The following DAB1 variants were observed in gnomAD, a reference collection of about 807,000 sequenced individuals.
DAB1 encodes the protein disabled homolog 1.
A neutral mutation model predicts 64.6 loss-of-function variants in DAB1; 15 were observed. The ratio of observed to expected loss-of-function variants is 0.23; its 90% CI spans 0.16 to 0.36. DAB1 has a LOEUF of 0.36. DAB1 is among the 10% of genes least tolerant of loss of function. The pLI is 1.00. For missense variants in DAB1, 596 were observed against 706.7 expected, an observed-to-expected ratio of 0.84 and a Z score of 1.78; for synonymous variants, 235 against 251.9, an observed-to-expected ratio of 0.93 and a Z score of 0.64.
intron 2 of DAB1, among the ~76,000 whole-genome samples, chr1:57,202,750 T>C (rs1665208238): frequency 1.3e-5 from 2 of 152,202 alleles, no homozygotes; most frequent in Non-Finnish European, 2.9e-5. Flanking sequence ...TGGTACCAAT[T>C]ATCTTTTTTC....
At chr1:57,201,988 A>T (rs1665142955) in intron 2 of DAB1, among the ~76,000 whole-genome samples, 1 of 152,224 alleles carries the variant, frequency 6.6e-6, no homozygotes. Flanking sequence ...TCAAGTTTCC[A>T]TCATCAGAAG....
intron 3 of DAB1, among the ~76,000 whole-genome samples, chr1:58,455,631 G>A (rs1350023444): frequency 6.6e-6 from 1 of 152,252 alleles, no homozygotes; most frequent in Non-Finnish European, 1.5e-5. Context: ...ACAAAAGAAT[G>A]AATGTTATTC....
intron 5 of DAB1, among the ~76,000 whole-genome samples, chr1:57,959,381 G>C (rs1383765483): frequency 6.6e-6 from 1 of 152,170 alleles, no homozygotes; most frequent in Non-Finnish European, 1.5e-5. Context: ...GATAAGGGAA[G>C]TAGAGGGCTT....
intron 4 of DAB1, among the ~76,000 whole-genome samples, chr1:58,239,945 C>A (rs1660215165): frequency 1.3e-5 from 2 of 152,164 alleles, no homozygotes; most frequent in Non-Finnish European, 2.9e-5. Flanking sequence ...ATTTCCCCAT[C>A]ATTAAAACAA....
intron 4 of DAB1, among the ~76,000 whole-genome samples, chr1:57,084,371 C>T (rs999821014): frequency 2.6e-5 from 4 of 152,160 alleles, no homozygotes; most frequent in African/African-American, 9.7e-5. Context: ...CTGCACAGCC[C>T]TCAGAAAGAA....
chr1:57,961,806 T>TA (rs769293065), intron 5 of DAB1, among the ~76,000 whole-genome samples: 1 of 151,416 alleles, frequency 6.6e-6, no homozygotes, highest in East Asian at 1.9e-4. Flanking sequence ...CCATCTCTAC[T>TA]AAAAAATACA....
intron 3 of DAB1, among the ~76,000 whole-genome samples, chr1:57,140,886 A>G (rs1658529615): frequency 6.6e-6 from 1 of 152,192 alleles, no homozygotes; most frequent in Non-Finnish European, 1.5e-5. Flanking sequence ...AGCAAGAGTC[A>G]CAGGCTGCCC....
At chr1:57,063,925 C>A (rs1650658276) in intron 8 of DAB1, among the ~76,000 whole-genome samples, 2 of 152,148 alleles carry the variant, frequency 1.3e-5, no homozygotes, top group East Asian at 3.9e-4. Flanking sequence ...AGCTCACACC[C>A]CCATTGCAGG....
chr1:58,373,763 C>T (rs1283689312), intron 3 of DAB1, among the ~76,000 whole-genome samples: 3 of 151,734 alleles, frequency 2.0e-5, no homozygotes, highest in Non-Finnish European at 1.5e-5. Context: ...CACTGACTTC[C>T]ACGATGGTTC....
chr1:57,606,801 G>GAGAA (rs1645659329), intron 7 of DAB1, among the ~76,000 whole-genome samples: 1 of 143,756 alleles, frequency 7.0e-6, no homozygotes, highest in South Asian at 2.2e-4. Flanking sequence ...TATATAGAGA[G>GAGAA]AGAGAGAGAC....
intron 3 of DAB1, chr1:58,474,041 C>A: frequency 1.5e-6 from 1 of 664,574 alleles, no homozygotes. Flanking sequence ...TTCATGGTGG[C>A]TATTAGGGTC....
At chr1:57,778,523 T>C (rs1649920830) in intron 6 of DAB1, among the ~76,000 whole-genome samples, 1 of 152,030 alleles carries the variant, frequency 6.6e-6, no homozygotes. Context: ...TCTTAAATTT[T>C]TTCCCAGTTT....
intron 7 of DAB1, among the ~76,000 whole-genome samples, chr1:57,571,745 T>A (rs1260907459): frequency 1.3e-5 from 2 of 152,196 alleles, no homozygotes; most frequent in African/African-American, 4.8e-5. Flanking sequence ...TGAGCTTAGA[T>A]CATTTCTCTC....
At chr1:57,822,774 AT>A (rs1341902328), downstream of DAB1, among the ~76,000 whole-genome samples, 1 of 152,170 alleles carries the variant, frequency 6.6e-6, no homozygotes, top group Admixed American at 6.5e-5. Context: ...GGTAAAATTA[AT>A]TTTAATAATA....
At chr1:57,512,887 C>A (rs186771282) in intron 7 of DAB1, among the ~76,000 whole-genome samples, 41 of 152,272 alleles carry the variant, frequency 2.7e-4, no homozygotes, top group African/African-American at 9.6e-4. Flanking sequence ...TGGGGCATGA[C>A]CCATTTCCGT....
intron 3 of DAB1, among the ~76,000 whole-genome samples, chr1:58,355,907 C>A (rs1644106595): frequency 6.6e-6 from 1 of 152,116 alleles, no homozygotes; most frequent in South Asian, 2.1e-4. Flanking sequence ...GACAGCACAC[C>A]TGAAAAAAGC....
intron 14 of DAB1, among the ~76,000 whole-genome samples, chr1:57,007,257 C>T (rs981151450): frequency 1.4e-4 from 21 of 152,180 alleles, no homozygotes; most frequent in Non-Finnish European, 2.9e-4. Flanking sequence ...GTTACAGATG[C>T]TACTCTGACT....
intron 5 of DAB1, among the ~76,000 whole-genome samples, chr1:57,982,925 G>A (rs1029842379): frequency 6.6e-6 from 1 of 152,184 alleles, no homozygotes; most frequent in Non-Finnish European, 1.5e-5. Flanking sequence ...GCTTGAGGTA[G>A]GTATTGCGGT....
intron 1 of DAB1, among the ~76,000 whole-genome samples, chr1:57,397,170 T>C (rs1682878941): frequency 6.6e-6 from 1 of 152,114 alleles, no homozygotes; most frequent in African/African-American, 2.4e-5. Flanking sequence ...AGAAAACACA[T>C]TATATAGACC....
Sources: allele counts gnomAD v4.1 joint callset (sites outside exome capture counted in the v4.1 genomes callset), GRCh38; gene constraint gnomAD v4.1.1; transcripts MANE v1.5; gene names NCBI Gene and HGNC (gene_info 2026-07-23, HGNC 2026-07-21).